Variants in MCC observed in about 807,000 individuals in gnomAD.
MCC encodes the protein colorectal mutant cancer protein.
In MCC, 90 loss-of-function variants were observed where a neutral mutation model predicts 116.2. The observed-to-expected ratio is 0.77, with a 90% CI of 0.65 to 0.92. The LOEUF (loss-of-function observed/expected upper bound fraction) is 0.92. Among genes scored for constraint, MCC ranks in the 40% least tolerant of loss-of-function variants. The probability of loss-of-function intolerance (pLI) is 0.00; values close to 1 mark genes in which losing one functional copy is unlikely to be tolerated. For missense variants in MCC, 1,516 were observed against 1,312.2 expected, an observed-to-expected ratio of 1.16 and a Z score of -2.40; for synonymous variants, 578 against 510.5, an observed-to-expected ratio of 1.13 and a Z score of -1.78.
chr5:113,087,623 C>T (rs571619862), intron 8 of MCC, among the ~76,000 whole-genome samples: 3 of 152,092 alleles, frequency 2.0e-5, no homozygotes, highest in African/African-American at 4.8e-5. Context: ...TTCAACCTCC[C>T]GGTGAATTTC....
chr5:113,232,296 A>G (rs1763965480), intron 3 of MCC, among the ~76,000 whole-genome samples: 1 of 152,196 alleles, frequency 6.6e-6, no homozygotes, highest in Admixed American at 6.5e-5. Context: ...GTTGTATTCT[A>G]TCTTCCAATG....
intron 3 of MCC, among the ~76,000 whole-genome samples, chr5:113,185,816 C>T (rs1006046158): frequency 5.3e-5 from 8 of 152,210 alleles, no homozygotes; most frequent in East Asian, 3.9e-4. Context: ...GAGAATGAAG[C>T]GTGCTGTAGC....
intron 3 of MCC, among the ~76,000 whole-genome samples, chr5:113,154,005 A>G (rs1760032740): frequency 6.6e-6 from 1 of 152,246 alleles, no homozygotes. Context: ...TGAAAATTTT[A>G]CTTAACATAT....
At chr5:113,428,743 G>A (rs1770546350) in intron 1 of MCC, 1 of 152,088 alleles carries the variant, frequency 6.6e-6, no homozygotes, top group Admixed American at 6.5e-5. Flanking sequence ...GAATTTAAGG[G>A]GAAACCTGTC....
At chr5:113,214,164 C>G (rs1461119308) in intron 3 of MCC, among the ~76,000 whole-genome samples, 3 of 152,236 alleles carry the variant, frequency 2.0e-5, no homozygotes, top group Admixed American at 2.0e-4. Context: ...GCAGCTCCAA[C>G]TTCAGCCATG....
intron 17 of MCC, among the ~76,000 whole-genome samples, chr5:113,033,130 G>T (rs1391852905): frequency 2.0e-5 from 3 of 152,200 alleles, no homozygotes; most frequent in African/African-American, 7.2e-5. Context: ...ACCCTCTCTT[G>T]GGGTCTGGAT....
chr5:113,099,714 G>T (rs1481856098), intron 8 of MCC, among the ~76,000 whole-genome samples: 1 of 152,198 alleles, frequency 6.6e-6, no homozygotes, highest in Non-Finnish European at 1.5e-5. Context: ...TAGTGCCTCC[G>T]CACTGTGCTA....
intron 3 of MCC, among the ~76,000 whole-genome samples, chr5:113,217,203 G>T (rs1261715733): frequency 6.6e-6 from 1 of 152,118 alleles, no homozygotes; most frequent in Non-Finnish European, 1.5e-5. Flanking sequence ...CTCCAAAGGA[G>T]GAGCTTCTCT....
intron 1 of MCC, among the ~76,000 whole-genome samples, chr5:113,392,142 G>A (rs1184482533): frequency 6.6e-6 from 1 of 152,008 alleles, no homozygotes; most frequent in African/African-American, 2.4e-5. Context: ...GAGAAGGGAG[G>A]ATGCCTTGAG....
At chr5:113,292,653 A>G (rs746241695) in intron 3 of MCC, among the ~76,000 whole-genome samples, 12 of 152,202 alleles carry the variant, frequency 7.9e-5, no homozygotes, top group Non-Finnish European at 1.5e-4. Context: ...AGGACGTGCC[A>G]ATAGGACTAA....
intron 2 of MCC, among the ~76,000 whole-genome samples, chr5:113,372,531 G>A (rs1419201861): frequency 1.3e-5 from 2 of 151,956 alleles, no homozygotes; most frequent in East Asian, 3.9e-4. Flanking sequence ...TTTTTTCTTT[G>A]TATTGCTCTT....
chr5:113,154,656 C>T (rs1381187375), intron 3 of MCC, among the ~76,000 whole-genome samples: 1 of 152,168 alleles, frequency 6.6e-6, no homozygotes, highest in Non-Finnish European at 1.5e-5. Context: ...AATTCAAAAG[C>T]TAGAGTGTTT....
intron 3 of MCC, among the ~76,000 whole-genome samples, chr5:113,251,067 G>A (rs567835069): frequency 1.3e-5 from 2 of 152,262 alleles, no homozygotes; most frequent in Admixed American, 1.3e-4. Context: ...ACAATCAAAA[G>A]TGTTCTATTT....
intron 13 of MCC, among the ~76,000 whole-genome samples, 164 bp from the exon 14 acceptor site, chr5:113,064,331 C>G (rs1315601289): frequency 1.3e-5 from 2 of 152,372 alleles, no homozygotes; most frequent in East Asian, 3.9e-4. Context: ...GGGCCTGGCA[C>G]TATCACTTAG....
intron 13 of MCC, among the ~76,000 whole-genome samples, chr5:113,066,323 G>A (rs1333831248): frequency 6.6e-6 from 1 of 151,918 alleles, no homozygotes; most frequent in African/African-American, 2.4e-5. Context: ...TTCTTAATAC[G>A]TATATTAATT....
chr5:113,421,730 C>A (rs918530460), intron 1 of MCC, among the ~76,000 whole-genome samples: 18 of 152,176 alleles, frequency 1.2e-4, no homozygotes, highest in Admixed American at 1.2e-3. Context: ...TAAACATCCA[C>A]GGAGCTAATG....
chr5:113,362,834 T>C (rs572705734), intron 2 of MCC, among the ~76,000 whole-genome samples: 1 of 152,276 alleles, frequency 6.6e-6, no homozygotes, highest in Admixed American at 6.5e-5. Flanking sequence ...TGAAACATAA[T>C]TGTCTTTTTT....
chr5:113,056,891 C>T (rs1752871577), intron 14 of MCC, among the ~76,000 whole-genome samples: 1 of 152,022 alleles, frequency 6.6e-6, no homozygotes, highest in Admixed American at 6.6e-5. Context: ...ATAGAGTAGG[C>T]CAGGAAGTGA....
rs58372049 is a variant in MCC at position 113,299,292 on chromosome 5, C to CAA, written c.627+41225_627+41226dup. Among the ~76,000 whole-genome samples the CAA allele has an allele frequency of 9.4e-4, 49 of 52,076 alleles. 4 individuals carry two copies. Among genetic ancestry groups the CAA allele is most frequent in the Non-Finnish European group, 1.6e-3 (40 of 25,588 alleles). 34.2% of individuals were successfully genotyped at this position (52,076 alleles called of 152,430 possible). On this transcript the variant is annotated intron_variant, in intron 3 of 18. Transcript: ENST00000408903. ...TGGGCAACAGAGTGAGACTCCGTCTCAAAAAAAAAAAAAAAAAAAAAAAAA... is the reference window on the plus strand; with the variant it reads ...TGGGCAACAGAGTGAGACTCCGTCTCAAAAAAAAAAAAAAAAAAAAAAAAAAA...
Sources: allele counts gnomAD v4.1 joint callset (sites outside exome capture counted in the v4.1 genomes callset), GRCh38; gene constraint gnomAD v4.1.1; transcripts MANE v1.5; gene names NCBI Gene and HGNC (gene_info 2026-07-23, HGNC 2026-07-21).